The following PCDHA8 variants were observed in gnomAD, a reference collection of about 807,000 sequenced individuals.
PCDHA8 encodes the protein protocadherin alpha 8, also known as protocadherin alpha-8.
In PCDHA8, 53 loss-of-function variants were observed where a neutral mutation model predicts 61.8. The observed-to-expected ratio is 0.86, with a 90% confidence interval of 0.69 to 1.08. PCDHA8 has a LOEUF of 1.08. PCDHA8 is among the 50% of genes least tolerant of loss of function. The probability of loss-of-function intolerance (pLI) is 0.00; values close to 1 mark genes in which losing one functional copy is unlikely to be tolerated. For synonymous variants in PCDHA8, 618 were observed against 556.6 expected (o/e 1.11, Z -1.55); for missense variants, 1,293 against 1,245.0 (o/e 1.04, Z -0.58).
At chr5:140,987,643 A>G (rs1205279586) in intron 3 of PCDHA8, among the ~76,000 whole-genome samples, 1 of 152,232 alleles carries the variant, frequency 6.6e-6, no homozygotes, top group Non-Finnish European at 1.5e-5. Context: ...ATGCACACAT[A>G]TTGCAGAATC....
Position 141,010,422 on chromosome 5 carries a change from G to A in PCDHA8, c.*485G>A. The A allele has an allele frequency of 8.7e-7, 1 of 1,145,442 alleles. No homozygotes were observed. Among genetic ancestry groups the A allele is most frequent in the Non-Finnish European group, 1.2e-6 (1 of 836,490 alleles). The allele number at this position is 1,145,442 out of a possible 1,614,324, so 71.0% of individuals were successfully genotyped here. A position where few individuals can be genotyped will look rare whatever the true frequency, so the allele number is the denominator to read the frequency against. On this transcript the variant is annotated 3_prime_UTR_variant, in exon 4 of 4. Transcript: ENST00000531613. ...AGCTTAGACTAATTGGTACAAGGAA[G>A]GCAAGAAAACAAAGACAAATAAACA... is the stretch of plus-strand genomic sequence containing the variant.
rs186341301 is a variant in PCDHA8 at position 140,890,770 on chromosome 5, A to G, written c.2394+47055A>G. Among the ~76,000 whole-genome samples the G allele has an allele frequency of 8.0e-3, 1,216 of 152,240 alleles. 6 individuals are homozygous for G. Among genetic ancestry groups the G allele is most frequent in the African/African-American group, 0.019 (786 of 41,520 alleles). On this transcript the variant is annotated intron_variant, in intron 1 of 3. Transcript: ENST00000531613. Reference sequence around the variant, plus strand: ...CTGTCATGCTTTAAAAATATTTTAAAACCCCATAAGATATTAGTATTATTT... The same window carrying G: ...CTGTCATGCTTTAAAAATATTTTAAGACCCCATAAGATATTAGTATTATTT...
rs184822768 is a variant in PCDHA8 at position 140,847,338 on chromosome 5, C to A, written c.2394+3623C>A. 45 of 149,900 alleles carry A rather than the reference C, an allele frequency of 3.0e-4. 3 individuals carry two copies. In the Admixed American group the frequency reaches 3.0e-3, roughly 10 times the overall value. The allele number at this position is 149,900 out of a possible 1,614,324, so 9.3% of individuals were successfully genotyped here. On this transcript the variant is annotated intron_variant, in intron 1 of 3. Transcript: ENST00000531613. ...ACAGAAGCAATTGTTAAATGCACCT[C>A]TTAGGCTGTTATCAGTAGAAATACG... is the stretch of plus-strand genomic sequence containing the variant.
intron 1 of PCDHA8, chr5:140,857,957 G>T (rs2045052132): frequency 6.3e-7 from 1 of 1,597,294 alleles, no homozygotes; most frequent in African/African-American, 1.3e-5. Flanking sequence ...GCGCGCTCTG[G>T]ATGAGACTGA....
At chr5:140,987,480 A>C (rs1489888830) in intron 3 of PCDHA8, among the ~76,000 whole-genome samples, 2 of 152,192 alleles carry the variant, frequency 1.3e-5, no homozygotes, top group African/African-American at 4.8e-5. Flanking sequence ...CTTGGGAGTC[A>C]GTGACCCTTT....
In PCDHA8 at chr5:141,010,480, A is replaced by C; in HGVS notation, c.*543A>C. The C allele has an allele frequency of 1.4e-6, 1 of 696,098 alleles. No individual in the cohort carries two copies. Among genetic ancestry groups the C allele is most frequent in the Non-Finnish European group, 2.2e-6 (1 of 452,208 alleles). 43.1% of individuals were successfully genotyped at this position (696,098 alleles called of 1,614,324 possible). A position where few individuals can be genotyped will look rare whatever the true frequency, so the allele number is the denominator to read the frequency against. On this transcript the variant is annotated 3_prime_UTR_variant, in exon 4 of 4. Transcript: ENST00000531613. ...TTATCAGTATGGAGGGGAAGTGTAA[A>C]CTTAAAGGGACCAGACTTTCTAAAT...
intron 1 of PCDHA8, 79 bp from the exon 2 acceptor site, chr5:140,978,870 G>T: frequency 6.2e-7 from 1 of 1,606,988 alleles, no homozygotes; most frequent in Non-Finnish European, 8.5e-7. Context: ...ATTTAAGGGA[G>T]TAACTAATCA....
chr5:140,851,363 A>C lies in PCDHA8; in HGVS notation c.2394+7648A>C. 5 of 979,054 alleles carry C rather than the reference A, an allele frequency of 5.1e-6. 1 individual carries two copies. Among genetic ancestry groups the C allele is most frequent in the Non-Finnish European group, 6.2e-6 (5 of 807,194 alleles). 60.6% of individuals were successfully genotyped at this position (979,054 alleles called of 1,614,324 possible). On this transcript the variant is annotated intron_variant, in intron 1 of 3. Coordinates refer to ENST00000531613, the MANE Select transcript of PCDHA8 (RefSeq NM_018911.3). ...ATTTCTCTGGATGGAGACTGTGAAC[A>C]TCTGATTGTTCAGCAACCTTCAGTA...
intron 1 of PCDHA8, among the ~76,000 whole-genome samples, chr5:140,953,746 A>G (rs2094931124): frequency 6.6e-6 from 1 of 152,016 alleles, no homozygotes; most frequent in African/African-American, 2.4e-5. Context: ...TTAACATTAC[A>G]TTTATCCAAG....
At chr5:140,997,833 A>G (rs2097787444) in intron 3 of PCDHA8, among the ~76,000 whole-genome samples, 1 of 152,230 alleles carries the variant, frequency 6.6e-6, no homozygotes. Flanking sequence ...TCTAAACAAT[A>G]CAATATACAT....
rs2150475793 is a variant in PCDHA8, at chr5:140,850,253, C to T, written c.2394+6538C>T. The T allele has an allele frequency of 4.7e-5, 75 of 1,593,644 alleles. 4 individuals carry two copies. The highest frequency in any genetic ancestry group is 6.3e-5 in the Non-Finnish European group (73 of 1,167,036). On this transcript the variant is annotated intron_variant, in intron 1 of 3. Coordinates refer to ENST00000531613, the MANE Select transcript of PCDHA8 (RefSeq NM_018911.3). ...GCGAGATGGTGCTGCGGTCGGTGGG[C>T]GCCGGCGTAGTGGTGGGGAAGGTGC...
intron 1 of PCDHA8, chr5:140,876,994 G>C (rs375771604): frequency 3.7e-6 from 6 of 1,612,620 alleles, no homozygotes; most frequent in South Asian, 1.1e-5. Context: ...GTCGAGCTAC[G>C]TGTCGGTGCA....
At chr5:141,001,959 C>T (rs755695273) in intron 3 of PCDHA8, among the ~76,000 whole-genome samples, 8 of 152,098 alleles carry the variant, frequency 5.3e-5, no homozygotes, top group Admixed American at 3.9e-4. Context: ...GAGGGAGAGG[C>T]GGGGTGTCTC....
At chr5:140,996,697 C>T (rs559736986) in intron 3 of PCDHA8, among the ~76,000 whole-genome samples, 1 of 152,236 alleles carries the variant, frequency 6.6e-6, no homozygotes, top group East Asian at 1.9e-4. Flanking sequence ...TCTTCTGAAC[C>T]TCTATCTCTT....
At chr5:140,855,628 C>T (rs1199061647) in intron 1 of PCDHA8, among the ~76,000 whole-genome samples, 1 of 149,588 alleles carries the variant, frequency 6.7e-6, no homozygotes, top group Non-Finnish European at 1.5e-5. Flanking sequence ...TTTTGAAATT[C>T]GGCTATTGAT....
chr5:140,965,174 C>CT (rs1213439654), intron 1 of PCDHA8, among the ~76,000 whole-genome samples: 4 of 152,228 alleles, frequency 2.6e-5, no homozygotes, highest in Non-Finnish European at 2.9e-5. Flanking sequence ...TTAGTGAGTG[C>CT]TTTTTTTGCA....
At chr5:140,874,672 C>A (rs2055057233) in intron 1 of PCDHA8, among the ~76,000 whole-genome samples, 1 of 152,126 alleles carries the variant, frequency 6.6e-6, no homozygotes, top group South Asian at 2.1e-4. Flanking sequence ...GAATCTATTC[C>A]TGAGATTTGT....
chr5:140,850,048 A>G (rs1554143688), intron 1 of PCDHA8: 1 of 1,596,376 alleles, frequency 6.3e-7, no homozygotes, highest in Admixed American at 1.7e-5. Flanking sequence ...GGCAAGGTGT[A>G]CGCGCTGCAG....
chr5:140,976,691 C>T (rs1219355793), intron 1 of PCDHA8, among the ~76,000 whole-genome samples: 1 of 152,126 alleles, frequency 6.6e-6, no homozygotes, highest in Non-Finnish European at 1.5e-5. Context: ...AATTTAAGTA[C>T]AATAATGTTG....
Sources: allele counts gnomAD v4.1 joint callset (sites outside exome capture counted in the v4.1 genomes callset), GRCh38; gene constraint gnomAD v4.1.1; transcripts MANE v1.5; gene names NCBI Gene and HGNC (gene_info 2026-07-23, HGNC 2026-07-21).